The following TNFSF4 variants were observed in gnomAD, a reference collection of about 807,000 sequenced individuals.
TNFSF4 encodes tumor necrosis factor ligand superfamily member 4.
Under a neutral mutation model 7.3 loss-of-function variants are expected in TNFSF4, and 4 were observed. The ratio of observed to expected loss-of-function variants is 0.55; its 90% CI spans 0.27 to 1.25. The LOEUF is 1.25. TNFSF4 is among the 50% of genes most tolerant of loss of function. The pLI is 0.12. For synonymous variants in TNFSF4, 76 were observed against 83.7 expected (o/e 0.91, Z 0.50); for missense variants, 181 against 208.8 (o/e 0.87, Z 0.82).
chr1:173,375,206 T>A, the TNFSF4 span, among the ~76,000 whole-genome samples: 2 of 152,178 alleles, frequency 1.3e-5, no homozygotes, highest in Admixed American at 1.3e-4. Flanking sequence ...AAGCTACAGA[T>A]GGTCTTATAA....
At chr1:173,422,939 G>A in the TNFSF4 span, among the ~76,000 whole-genome samples, 2 of 151,616 alleles carry the variant, frequency 1.3e-5, no homozygotes, top group African/African-American at 4.9e-5. Context: ...AACCACTGAA[G>A]AGATGTTACA....
chr1:173,423,215 T>C, the TNFSF4 span, among the ~76,000 whole-genome samples: 1 of 152,316 alleles, frequency 6.6e-6, no homozygotes, highest in East Asian at 1.9e-4. Flanking sequence ...TAATAGATTT[T>C]ATTACTCCCA....
chr1:173,378,736 C>A, the TNFSF4 span, among the ~76,000 whole-genome samples: 1 of 152,258 alleles, frequency 6.6e-6, no homozygotes, highest in Non-Finnish European at 1.5e-5. Flanking sequence ...CAATTTACAT[C>A]CCACAGGAGG....
At chr1:173,367,287 T>C in the TNFSF4 span, among the ~76,000 whole-genome samples, 2 of 152,246 alleles carry the variant, frequency 1.3e-5, no homozygotes, top group Non-Finnish European at 2.9e-5. Flanking sequence ...TTGTATATTT[T>C]ACCATGGCAC....
At chr1:173,321,143 G>C in the TNFSF4 span, among the ~76,000 whole-genome samples, 1 of 152,108 alleles carries the variant, frequency 6.6e-6, no homozygotes, top group Non-Finnish European at 1.5e-5. Context: ...ATAGACCAAA[G>C]GAACAGAACA....
downstream of TNFSF4, among the ~76,000 whole-genome samples, chr1:173,180,385 A>G (rs1264690194): frequency 6.6e-6 from 1 of 152,182 alleles, no homozygotes; most frequent in Non-Finnish European, 1.5e-5. Context: ...CTAGCACTGT[A>G]GACACACAAT....
the TNFSF4 span, chr1:173,417,694 T>C: frequency 6.6e-6 from 1 of 152,256 alleles, no homozygotes; most frequent in African/African-American, 2.4e-5. Flanking sequence ...ACCTCCCTCT[T>C]TTTAGTACTA....
chr1:173,228,164 TG>T, the TNFSF4 span, among the ~76,000 whole-genome samples: 1 of 152,160 alleles, frequency 6.6e-6, no homozygotes, highest in Non-Finnish European at 1.5e-5. Context: ...GTAGCCTAAC[TG>T]GGAGGCACCC....
At chr1:173,402,368 T>C in the TNFSF4 span, among the ~76,000 whole-genome samples, 2 of 152,208 alleles carry the variant, frequency 1.3e-5, no homozygotes, top group African/African-American at 4.8e-5. Flanking sequence ...CAAACCACAG[T>C]AGAGCTTCTG....
the TNFSF4 span, among the ~76,000 whole-genome samples, chr1:173,177,505 A>G: frequency 2.3e-4 from 35 of 152,338 alleles, no homozygotes; most frequent in African/African-American, 7.9e-4. Flanking sequence ...TACATGGGTG[A>G]CGAAAAAATC....
chr1:173,271,330 G>A, the TNFSF4 span, among the ~76,000 whole-genome samples: 1 of 152,084 alleles, frequency 6.6e-6, no homozygotes, highest in Admixed American at 6.6e-5. Flanking sequence ...TGTACAAGGT[G>A]AAATGAAGGG....
chr1:173,409,789 G>T, the TNFSF4 span, among the ~76,000 whole-genome samples: 1 of 152,174 alleles, frequency 6.6e-6, no homozygotes, highest in African/African-American at 2.4e-5. Context: ...CTGGCAGGAG[G>T]ATGAAGGGGA....
chr1:173,315,254 A>G, the TNFSF4 span, among the ~76,000 whole-genome samples: 1 of 152,172 alleles, frequency 6.6e-6, no homozygotes, highest in Non-Finnish European at 1.5e-5. Flanking sequence ...CTACAGTCAC[A>G]TGCATAGAAT....
chr1:173,398,318 T>C, the TNFSF4 span, among the ~76,000 whole-genome samples: 2 of 151,886 alleles, frequency 1.3e-5, no homozygotes, highest in African/African-American at 4.8e-5. Flanking sequence ...GATTCTACTC[T>C]AGGCTTATTG....
At chr1:173,300,499 T>C in the TNFSF4 span, among the ~76,000 whole-genome samples, 1 of 152,004 alleles carries the variant, frequency 6.6e-6, no homozygotes, top group Admixed American at 6.6e-5. Context: ...TTTCCCCCAA[T>C]AGTCTCTGCA....
Position 173,183,781 on chromosome 1 carries a change from T to C in TNFSF4, c.*2735A>G, listed in dbSNP as rs1649107044. ...GTTTCCATGTAAATAGCAATATTAC[T>C]ATTAACTATATTATTAATATCAATA... On this transcript the variant is annotated 3_prime_UTR_variant, in exon 3 of 3. Transcript: ENST00000281834. 1 of 152,196 alleles carries C rather than the reference T, an allele frequency of 6.6e-6. No homozygotes were observed. The highest frequency in any genetic ancestry group is 1.5e-5 in the Non-Finnish European group (1 of 68,046). 9.4% of individuals were successfully genotyped at this position (152,196 alleles called of 1,614,324 possible). A position where few individuals can be genotyped will look rare whatever the true frequency, so the allele number is the denominator to read the frequency against.
chr1:173,296,869 G>C, the TNFSF4 span, among the ~76,000 whole-genome samples: 5 of 151,930 alleles, frequency 3.3e-5, no homozygotes, highest in Non-Finnish European at 7.4e-5. Context: ...AAAATCACAT[G>C]TAAGAACCCA....
At chr1:173,202,526 A>G (rs1444516462) in intron 1 of TNFSF4, among the ~76,000 whole-genome samples, 1 of 152,194 alleles carries the variant, frequency 6.6e-6, no homozygotes, top group African/African-American at 2.4e-5. Flanking sequence ...CTTCAGACAC[A>G]AGAGAATCGT....
At chr1:173,254,242 C>T in the TNFSF4 span, among the ~76,000 whole-genome samples, 1 of 152,044 alleles carries the variant, frequency 6.6e-6, no homozygotes, top group Non-Finnish European at 1.5e-5. Flanking sequence ...TGTTTTTATT[C>T]ACAATTCATT....
Sources: allele counts gnomAD v4.1 joint callset (sites outside exome capture counted in the v4.1 genomes callset), GRCh38; gene constraint gnomAD v4.1.1; transcripts MANE v1.5; gene names NCBI Gene and HGNC (gene_info 2026-07-23, HGNC 2026-07-21).